The following TCHP variants were observed in gnomAD, a reference collection of about 807,000 sequenced individuals.
The protein encoded by TCHP is trichoplein keratin filament-binding protein.
Under a neutral mutation model 88.7 loss-of-function variants are expected in TCHP, and 81 were observed. The ratio of observed to expected loss-of-function variants is 0.91; its 90% confidence interval spans 0.76 to 1.10. The LOEUF is 1.10. Among genes scored for constraint, TCHP ranks in the 50% least tolerant of loss-of-function variants. The pLI is 0.00. For synonymous variants in TCHP, 232 were observed against 232.5 expected (o/e 1.00, Z 0.02); for missense variants, 641 against 632.1 (o/e 1.01, Z -0.15).
the TCHP span, among the ~76,000 whole-genome samples, chr12:109,889,638 A>T: frequency 2.0e-5 from 3 of 152,158 alleles, no homozygotes; most frequent in Non-Finnish European, 4.4e-5. Flanking sequence ...GACAGTAGCA[A>T]TGCTAACTCC....
chr12:109,893,294 G>A, the TCHP span, among the ~76,000 whole-genome samples: 21 of 151,624 alleles, frequency 1.4e-4, no homozygotes, highest in South Asian at 4.4e-3. Flanking sequence ...CAGGAGAATC[G>A]CTTGCACCTG....
At chr12:109,886,068 T>C in the TCHP span, among the ~76,000 whole-genome samples, 2 of 152,200 alleles carry the variant, frequency 1.3e-5, no homozygotes, top group African/African-American at 4.8e-5. Context: ...TCATCACTCA[T>C]AAAACCTTCC....
the TCHP span, among the ~76,000 whole-genome samples, chr12:109,887,291 G>A: frequency 1.3e-5 from 2 of 151,468 alleles, no homozygotes; most frequent in African/African-American, 4.9e-5. Flanking sequence ...GTGTGGTGGT[G>A]CAAGCCTGTA....
At chr12:109,900,140 T>G (rs912232679), upstream of TCHP, 4 of 152,242 alleles carry the variant, frequency 2.6e-5, no homozygotes, top group Non-Finnish European at 5.9e-5. Context: ...CATGGACGGA[T>G]TCTTTGCCTC....
the TCHP span, among the ~76,000 whole-genome samples, chr12:109,882,866 C>G: frequency 8.2e-4 from 124 of 151,630 alleles, no homozygotes; most frequent in Non-Finnish European, 1.4e-3. Context: ...ACCATGTTGG[C>G]CAGGCTGGTC....
At position 109,903,141 on chromosome 12, in the gene TCHP, C is replaced by G. The variant is rs766401453; in HGVS notation, c.115C>G (p.Arg39Gly). Residue 39 changes from arginine (R) to glycine (G), a missense_variant, in exon 2 of 13, where the codon CGT (arginine) becomes GGT (glycine). Physicochemically the swap from Arg to Gly is moderately radical, Grantham distance 125. Transcript: ENST00000405876. This position sits in a 1 kb window ranked among gnomAD's most constrained non-coding sequence, Gnocchi z 4.6. ...TCGGCAGCAGTGGGAGCAGAACAGC[C>G]GTTACTTCAGGATGTCTGACATCTG... ...RLRQQWEQNS[R>G]YFRMSDICSS... 1.2e-5 allele frequency: 19 copies of G among 1,613,824 alleles called. 1 individual carries two copies. In the South Asian group the frequency reaches 1.9e-4, roughly 16 times the overall value.
At position 109,916,855 on chromosome 12, in the gene TCHP, C is replaced by T. The variant is rs971104620; in HGVS notation, c.*232C>T. On this transcript the variant is annotated 3_prime_UTR_variant, in exon 13 of 13. Transcript: ENST00000405876. The stretch of plus-strand genomic sequence containing the variant: ...CCCAAGCAAGGGTCTTTGATGGGCA[C>T]GTGTTTACAGCGCTGCTGCATAGTC... The T allele has an allele frequency of 2.3e-5, 12 of 531,128 alleles. No homozygotes were observed. Among genetic ancestry groups the T allele is most frequent in the African/African-American group, 9.7e-5 (5 of 51,740 alleles). The allele number at this position is 531,128 out of a possible 1,614,324, so 32.9% of individuals were successfully genotyped here.
intron 3 of TCHP, 49 bp from the exon 4 acceptor site, chr12:109,904,688 T>A (rs768459599): frequency 6.3e-7 from 1 of 1,577,532 alleles, no homozygotes; most frequent in East Asian, 2.2e-5. Flanking sequence ...AAAATGTGAA[T>A]GGATTTGAAA....
Position 109,903,181 on chromosome 12 carries a change from C to T in TCHP, c.155C>T (p.Ala52Val). 1 of 1,613,504 alleles carries T rather than the reference C, an allele frequency of 6.2e-7. No homozygotes were observed. Among genetic ancestry groups the T allele is most frequent in the South Asian group, 1.1e-5 (1 of 91,030 alleles). The change falls in exon 2 of 13, where the codon GCA becomes GTA. Residue 52 changes from alanine to valine, a missense_variant. Physicochemically the swap from Ala to Val is moderately conservative, Grantham distance 64. Transcript: ENST00000405876. This position sits in a 1 kb window ranked among gnomAD's most constrained non-coding sequence, Gnocchi z 4.6. ...RMSDICSSKQ[A>V]EWSSKTSYQR... is the part of the protein sequence containing the mutation. ...TCTGACATCTGCAGCTCCAAACAGG[C>T]AGAATGGAGCTCTAAAACCTCCTAC...
chr12:109,911,004 C>T (rs1870449948), intron 8 of TCHP, 59 bp from the exon 9 acceptor site: 2 of 1,445,712 alleles, frequency 1.4e-6, no homozygotes, highest in Non-Finnish European at 1.8e-6. Flanking sequence ...CCTCTGTAGG[C>T]TCTCATTGCA....
intron 12 of TCHP, among the ~76,000 whole-genome samples, chr12:109,915,973 C>T (rs948254273): frequency 6.6e-6 from 1 of 152,182 alleles, no homozygotes; most frequent in Non-Finnish European, 1.5e-5. Context: ...TCCTCCCCTC[C>T]CTCCCGTGTG....
chr12:109,889,825 TGCCAGGTTTTCAGCAG>T, the TCHP span, among the ~76,000 whole-genome samples: 1 of 152,224 alleles, frequency 6.6e-6, no homozygotes, highest in African/African-American at 2.4e-5. Context: ...CCTCCCCAAC[TGCCAGGTTTTCAGCAG>T]GACTAAATGT....
At chr12:109,900,725 G>GA (rs1869738095) in intron 1 of TCHP, 3 of 152,350 alleles carry the variant, frequency 2.0e-5, no homozygotes, top group Admixed American at 2.0e-4. Context: ...ACGGGAGCGG[G>GA]AAAAAAGTAT....
intron 11 of TCHP, chr12:109,915,189 C>T (rs1460672283): frequency 9.4e-6 from 6 of 638,948 alleles, no homozygotes; most frequent in East Asian, 2.7e-5. Flanking sequence ...GTAAGCGCCA[C>T]GCATACAGCC....
rs143201598 is a variant in TCHP, at chr12:109,915,429, G to A, written c.1347G>A (p.Trp449Ter). ...AQVAERRLQA[W>*]EADQQEEEEE... ...TTGCAGAGCGCCGGCTGCAGGCATG[G>A]GAAGCAGACCAGCAGGAGGAGGAGG... The change falls in exon 12 of 13, where the codon TGG becomes TGA. Residue 449 changes from tryptophan to a stop codon, truncating the protein, a stop_gained. Coordinates refer to ENST00000405876, the MANE Select transcript of TCHP (RefSeq NM_001143852.2). LOFTEE classifies it high-confidence loss of function. 857 of 1,614,056 alleles carry A rather than the reference G, an allele frequency of 5.3e-4. 1 individual carries two copies. Among genetic ancestry groups the A allele is most frequent in the Middle Eastern group, 1.8e-3 (11 of 6,068 alleles).
At chr12:109,901,177 C>G (rs970969192) in intron 1 of TCHP, 1 of 150,640 alleles carries the variant, frequency 6.6e-6, no homozygotes, top group Non-Finnish European at 1.5e-5. Context: ...GCAGAGAGAG[C>G]CTGGGCTCTG....
chr12:109,894,731 C>A, the TCHP span, among the ~76,000 whole-genome samples: 1 of 147,044 alleles, frequency 6.8e-6, no homozygotes, highest in Admixed American at 6.8e-5. Context: ...CGCCATTGCA[C>A]TCCAGCCTGG....
Position 109,918,049 on chromosome 12 carries a change from T to G in TCHP, c.*1426T>G, listed in dbSNP as rs1347057279. 6.6e-6 allele frequency: 1 copy of G among 152,216 alleles called. No individual in the cohort carries two copies. The highest frequency in any genetic ancestry group is 1.5e-5 in the Non-Finnish European group (1 of 68,034). The allele number at this position is 152,216 out of a possible 1,614,324, so 9.4% of individuals were successfully genotyped here. A position where few individuals can be genotyped will look rare whatever the true frequency, so the allele number is the denominator to read the frequency against. On this transcript the variant is annotated 3_prime_UTR_variant, in exon 13 of 13. Transcript: ENST00000405876. ...TTTCAGATGTCCAGTAATGGTGAAA[T>G]AAAATCCTGCTTCGACAGCATGGCT...
upstream of TCHP, among the ~76,000 whole-genome samples, chr12:109,896,775 C>T (rs1285927655): frequency 6.6e-6 from 1 of 151,992 alleles, no homozygotes; most frequent in Non-Finnish European, 1.5e-5. Context: ...ATTAGCCGGA[C>T]GTGGTGGCGG....
Sources: gnomAD v4.1 joint callset for allele counts (sites outside exome capture counted in the v4.1 genomes callset) on GRCh38, gnomAD v4.1.1 for gene constraint, Gnocchi (gnomAD v3.1) non-coding constraint, MANE v1.5 for transcripts, NCBI Gene and HGNC (gene_info 2026-07-23, HGNC 2026-07-21) for gene names.